Variants in VPS13A observed in about 807,000 individuals in gnomAD.
VPS13A encodes vacuolar protein sorting 13 homolog A.
VPS13A carries 264 observed loss-of-function variants against 390.9 expected under a neutral mutation model. That is an observed-to-expected ratio of 0.68 (90% CI 0.61 to 0.75). The LOEUF is 0.75. Ranked by LOEUF, VPS13A falls within the 30% of genes least tolerant of loss-of-function variation. The pLI is 0.00. For synonymous variants in VPS13A, 1,231 were observed against 1,227.1 expected (o/e 1.00, Z -0.07); for missense variants, 3,409 against 3,733.9 (o/e 0.91, Z 2.27).
rs1831076152 is a variant in VPS13A, at chr9:77,345,106, A to G, written c.7253A>G (p.Asn2418Ser). Residue 2418 changes from asparagine to serine, a missense_variant, in exon 52 of 72, where the codon AAT becomes AGT. Asn to Ser is a conservative substitution (Grantham distance 46). Around this residue, in one of 5 missense-constraint regions of VPS13A, gnomAD observed 2,717 missense variants for 2,917.4 expected, o/e 0.93. Coordinates refer to ENST00000360280, the MANE Select transcript of VPS13A (RefSeq NM_033305.3). ...GGAGCAGCTACATTCCTCTTAATAAATCACACAAAGAATGAACTTGTTCAA... is the reference window on the plus strand; with the variant it reads ...GGAGCAGCTACATTCCTCTTAATAAGTCACACAAAGAATGAACTTGTTCAA... The part of the protein sequence containing the change: ...HDGAATFLLI[N>S]HTKNELVQYN... 2 of 1,613,182 alleles carry G rather than the reference A, an allele frequency of 1.2e-6. No individual in the cohort carries two copies. Among genetic ancestry groups the G allele is most frequent in the Admixed American group, 1.7e-5 (1 of 60,008 alleles).
intron 45 of VPS13A, among the ~76,000 whole-genome samples, chr9:77,323,664 C>T (rs990095735): frequency 3.3e-5 from 5 of 152,102 alleles, no homozygotes; most frequent in South Asian, 2.1e-4. Context: ...ATCACAGTCA[C>T]GGTAATGAAC....
At chr9:77,399,167 T>TTA (rs1834245998) in intron 68 of VPS13A, among the ~76,000 whole-genome samples, 1 of 86,060 alleles carries the variant, frequency 1.2e-5, no homozygotes, top group Non-Finnish European at 2.5e-5. Flanking sequence ...TAGAGTATAA[T>TTA]AAAAAAAAAA....
rs1487398650 is a variant in VPS13A at position 77,369,623 on chromosome 9, G to A, written c.8667+211G>A. Reference sequence around the variant, plus strand: ...TAAACTTAAGATTTTGTTAAGCTACGCTGAATTGTAAGTGTTCTCTTGGAA... The same window carrying A: ...TAAACTTAAGATTTTGTTAAGCTACACTGAATTGTAAGTGTTCTCTTGGAA... On this transcript the variant is annotated intron_variant, in intron 63 of 71. Coordinates refer to ENST00000360280, the MANE Select transcript of VPS13A (RefSeq NM_033305.3). Among the ~76,000 whole-genome samples, 5 of 152,098 alleles carry A rather than the reference G, an allele frequency of 3.3e-5. No homozygotes were observed. The East Asian group carries it at 5.8e-4, about 18-fold the overall frequency.
rs1446303374 is a variant in VPS13A at position 77,418,825 on chromosome 9, C to T, written c.*2819C>T. 3 of 152,158 alleles carry T rather than the reference C, an allele frequency of 2.0e-5. No individual in the cohort carries two copies. The highest frequency in any genetic ancestry group is 4.4e-5 in the Non-Finnish European group (3 of 68,012). 9.4% of individuals were successfully genotyped at this position (152,158 alleles called of 1,614,324 possible). A position where few individuals can be genotyped will look rare whatever the true frequency, so the allele number is the denominator to read the frequency against. Reference sequence around the variant, plus strand: ...AATATTGTTCCATTGAATATCTATGCACCTAGCTCATCTCTTAGAAACATC... The same window carrying T: ...AATATTGTTCCATTGAATATCTATGTACCTAGCTCATCTCTTAGAAACATC... On this transcript the variant is annotated 3_prime_UTR_variant, in exon 72 of 72. Transcript: ENST00000360280.
intron 54 of VPS13A, 121 bp downstream of exon 54, chr9:77,353,762 G>C: frequency 1.0e-6 from 1 of 967,316 alleles, no homozygotes; most frequent in Non-Finnish European, 1.6e-6. Context: ...CATTGATACT[G>C]TGGTAGTGCT....
rs757282617 is a variant in VPS13A at position 77,318,349 on chromosome 9, G to A, written c.5071G>A (p.Asp1691Asn). ...SSTAHLWEKK[D>N]TKTLKMWFLE... ...TACTGCACATTTATGGGAAAAGAAG[G>A]ATACAAAGACTTTAAAAATGTGGTT... is the stretch of plus-strand genomic sequence containing the variant. Residue 1691 changes from aspartate (D) to asparagine (N), a missense_variant, in exon 41 of 72, where the codon GAT becomes AAT. Asp to Asn is a conservative substitution (Grantham distance 23). Transcript: ENST00000360280. The A allele has an allele frequency of 1.9e-6, 3 of 1,613,530 alleles. No individual in the cohort carries two copies. In the East Asian group the frequency reaches 6.7e-5, roughly 36 times the overall value.
At chr9:77,257,034 A>G (rs1226652848) in intron 22 of VPS13A, among the ~76,000 whole-genome samples, 1 of 151,446 alleles carries the variant, frequency 6.6e-6, no homozygotes, top group African/African-American at 2.4e-5. Context: ...TCATATTGTT[A>G]TTTGCTTTCT....
chr9:77,260,058 ATTAC>A, intron 22 of VPS13A, 24 bp from the exon 23 acceptor site: 1 of 1,338,042 alleles, frequency 7.5e-7, no homozygotes, highest in Non-Finnish European at 1.0e-6. Context: ...TTCCTTTATA[ATTAC>A]TTATTTTTAT....
intron 25 of VPS13A, 107 bp downstream of exon 25, chr9:77,275,759 T>G (rs1826626818): frequency 7.6e-7 from 1 of 1,310,142 alleles, no homozygotes; most frequent in East Asian, 2.3e-5. Context: ...TTCACCCTAA[T>G]TAAAGTAATT....
intron 23 of VPS13A, among the ~76,000 whole-genome samples, chr9:77,260,770 G>A (rs1392149778): frequency 6.6e-6 from 1 of 152,054 alleles, no homozygotes; most frequent in Non-Finnish European, 1.5e-5. Context: ...CCTCTCCTGA[G>A]CAATAACACT....
chr9:77,343,788 A>G (rs1830978023), intron 50 of VPS13A, among the ~76,000 whole-genome samples: 1 of 152,160 alleles, frequency 6.6e-6, no homozygotes, highest in African/African-American at 2.4e-5. Flanking sequence ...GATTTTTAGT[A>G]ACTGAATGTA....
rs1292621744 is a variant in VPS13A at position 77,295,775 on chromosome 9, A to G, written c.3741A>G (p.Thr1247=). The G allele has an allele frequency of 6.2e-7, 1 of 1,614,048 alleles. No individual in the cohort carries two copies. The highest frequency in any genetic ancestry group is 1.1e-5 in the South Asian group (1 of 91,088). ...TGACAAATACCTTTCATATGATAAC[A>G]GAGAGCCAGAGCTCTCCCCCACCTG... ...ITMTNTFHMI[T]ESQSSPPPVI... is the part of the protein sequence containing the mutation. Residue 1247 remains threonine (T), a synonymous_variant, in exon 33 of 72, where the codon ACA becomes ACG. Coordinates refer to ENST00000360280, the MANE Select transcript of VPS13A (RefSeq NM_033305.3).
chr9:77,229,088 A>AT (rs1343790020), intron 17 of VPS13A, among the ~76,000 whole-genome samples: 2 of 151,570 alleles, frequency 1.3e-5, no homozygotes, highest in East Asian at 1.9e-4. Flanking sequence ...TATTTTATTT[A>AT]TTTTTTTTGA....
intron 35 of VPS13A, among the ~76,000 whole-genome samples, chr9:77,312,845 G>T (rs1829169937): frequency 1.3e-5 from 2 of 152,160 alleles, no homozygotes; most frequent in African/African-American, 4.8e-5. Context: ...ATAGGAATGT[G>T]AAATAGTATT....
Position 77,353,517 on chromosome 9 carries a change from G to A in VPS13A, c.7528G>A (p.Val2510Ile). Reference sequence around the variant, plus strand: ...CACTGAAGATCCAAGGGTATTTAAAGTAACATATGAAAGTGAGAAAGCAGA... The same window carrying A: ...CACTGAAGATCCAAGGGTATTTAAAATAACATATGAAAGTGAGAAAGCAGA... ...LFTEDPRVFK[V>I]TYESEKAELA... Residue 2510 changes from valine (V) to isoleucine (I), a missense_variant, in exon 54 of 72, where the codon GTA becomes ATA. Coordinates refer to ENST00000360280, the MANE Select transcript of VPS13A (RefSeq NM_033305.3). 6.2e-7 allele frequency: 1 copy of A among 1,613,250 alleles called. No homozygotes were observed. The highest frequency in any genetic ancestry group is 2.2e-5 in the East Asian group (1 of 44,754).
At chr9:77,347,002 G>C (rs1241627953) in intron 52 of VPS13A, among the ~76,000 whole-genome samples, 1 of 152,132 alleles carries the variant, frequency 6.6e-6, no homozygotes, top group East Asian at 1.9e-4. Flanking sequence ...GTAAGTATTT[G>C]GCTTTATTTC....
intron 54 of VPS13A, among the ~76,000 whole-genome samples, chr9:77,354,847 C>T (rs758070503): frequency 3.3e-5 from 5 of 152,160 alleles, no homozygotes; most frequent in Admixed American, 1.3e-4. Context: ...TTGCATACTA[C>T]TTGCTGTACT....
In VPS13A at chr9:77,291,064, C is replaced by T. The variant is rs534439448; in HGVS notation, c.3340-2277C>T. Among the ~76,000 whole-genome samples, 248 of 152,228 alleles carry T rather than the reference C, an allele frequency of 1.6e-3. 1 individual carries two copies. Among genetic ancestry groups the T allele is most frequent in the Non-Finnish European group, 2.9e-3 (197 of 68,020 alleles). On this transcript the variant is annotated intron_variant, in intron 31 of 71. Coordinates refer to ENST00000360280, the MANE Select transcript of VPS13A (RefSeq NM_033305.3). ...CAACCCCCGGGCTGTAGAACGGTAC[C>T]GGTCTGTGACCTGTTAGGAACTGGG...
At chr9:77,264,509 A>G (rs1278565970) in intron 23 of VPS13A, among the ~76,000 whole-genome samples, 1 of 152,156 alleles carries the variant, frequency 6.6e-6, no homozygotes, top group Non-Finnish European at 1.5e-5. Flanking sequence ...GAGGTCCTTC[A>G]CATCCCTTGT....
Sources: allele counts gnomAD v4.1 joint callset (sites outside exome capture counted in the v4.1 genomes callset), GRCh38; gene constraint gnomAD v4.1.1; regional missense constraint gnomAD v4.1.1; transcripts MANE v1.5; gene names NCBI Gene and HGNC (gene_info 2026-07-23, HGNC 2026-07-21).